The following OLFM3 variants were observed in gnomAD, a reference collection of about 807,000 sequenced individuals.
OLFM3 encodes the protein olfactomedin 3, also known as noelin-3.
In OLFM3, 20 loss-of-function variants were observed where a neutral mutation model predicts 48.6. That is an observed-to-expected ratio of 0.41 (90% CI 0.29 to 0.60). The LOEUF (loss-of-function observed/expected upper bound fraction) is 0.60, where lower values mean the gene tolerates loss of function less well. OLFM3 is among the 20% of genes least tolerant of loss of function. The probability of loss-of-function intolerance (pLI) is 0.28; values close to 1 mark genes in which losing one functional copy is unlikely to be tolerated. For missense variants in OLFM3, 437 were observed against 544.3 expected (o/e 0.80, Z 1.96); for synonymous variants, 222 against 198.1 (o/e 1.12, Z -1.01).
At chr1:101,924,569 T>C (rs986492609) in intron 1 of OLFM3, among the ~76,000 whole-genome samples, 6 of 152,174 alleles carry the variant, frequency 3.9e-5, no homozygotes, top group African/African-American at 1.4e-4. Flanking sequence ...GGATGTTTGC[T>C]TTCTTCATTA....
intron 1 of OLFM3, among the ~76,000 whole-genome samples, chr1:101,907,729 TA>T (rs1296364671): frequency 2.0e-5 from 3 of 152,242 alleles, no homozygotes; most frequent in Admixed American, 6.5e-5. Flanking sequence ...CAAAAGTCGC[TA>T]ATCAGTCTGG....
At chr1:101,924,285 C>T (rs996086946) in intron 1 of OLFM3, among the ~76,000 whole-genome samples, 4 of 152,084 alleles carry the variant, frequency 2.6e-5, no homozygotes, top group Non-Finnish European at 4.4e-5. Flanking sequence ...GCATGGAAGC[C>T]AATAAGCTTA....
intron 1 of OLFM3, among the ~76,000 whole-genome samples, chr1:101,982,075 TAATC>T (rs1273643417): frequency 6.6e-6 from 1 of 152,216 alleles, no homozygotes; most frequent in Non-Finnish European, 1.5e-5. Flanking sequence ...AAGGCCAGTT[TAATC>T]AAGCCAGAGT....
chr1:101,889,337 T>A (rs1467985380), intron 1 of OLFM3, among the ~76,000 whole-genome samples: 1 of 151,910 alleles, frequency 6.6e-6, no homozygotes, highest in Non-Finnish European at 1.5e-5. Flanking sequence ...AAAGGATGAG[T>A]TCATGTCCTT....
At chr1:101,887,847 A>G (rs1657828120) in intron 1 of OLFM3, among the ~76,000 whole-genome samples, 1 of 152,076 alleles carries the variant, frequency 6.6e-6, no homozygotes, top group African/African-American at 2.4e-5. Flanking sequence ...GCATCAGTAT[A>G]TGTGGATATA....
chr1:101,822,720 A>G (rs1477415383), intron 4 of OLFM3, among the ~76,000 whole-genome samples: 2 of 152,138 alleles, frequency 1.3e-5, no homozygotes, highest in Non-Finnish European at 2.9e-5. Flanking sequence ...TTATGGAGAC[A>G]CCATCTGGCA....
At chr1:101,996,016 C>G (rs1267148322) in intron 1 of OLFM3, among the ~76,000 whole-genome samples, 1 of 152,136 alleles carries the variant, frequency 6.6e-6, no homozygotes, top group African/African-American at 2.4e-5. Context: ...TTAGCGTTCA[C>G]TTTCATTGCC....
chr1:101,958,292 G>C (rs1660358716), intron 1 of OLFM3, among the ~76,000 whole-genome samples: 1 of 152,022 alleles, frequency 6.6e-6, no homozygotes, highest in Non-Finnish European at 1.5e-5. Flanking sequence ...GAATCTTACA[G>C]ATTCTTCATT....
chr1:101,961,935 A>T (rs922398188), intron 1 of OLFM3, among the ~76,000 whole-genome samples: 1 of 152,142 alleles, frequency 6.6e-6, no homozygotes, highest in Admixed American at 6.6e-5. Flanking sequence ...CCTCTCTTCT[A>T]GCTATCTTTT....
chr1:101,903,817 A>C (rs12061071), intron 1 of OLFM3, among the ~76,000 whole-genome samples: 11 of 151,758 alleles, frequency 7.2e-5, no homozygotes, highest in Non-Finnish European at 1.3e-4. Flanking sequence ...TTTAAGCAGA[A>C]ACAAAGATTT....
intron 1 of OLFM3, among the ~76,000 whole-genome samples, chr1:101,903,485 A>T (rs1658454179): frequency 6.6e-6 from 1 of 152,080 alleles, no homozygotes; most frequent in Admixed American, 6.6e-5. Context: ...GGAGCTAAGG[A>T]ACTGAAGCCA....
chr1:101,841,519 A>G (rs2100932684), intron 1 of OLFM3, among the ~76,000 whole-genome samples: 1 of 152,328 alleles, frequency 6.6e-6, no homozygotes, highest in East Asian at 1.9e-4. Context: ...GCCCCACTGT[A>G]GTTGATGAGA....
At chr1:101,878,298 A>G (rs535231188) in intron 1 of OLFM3, among the ~76,000 whole-genome samples, 1 of 152,008 alleles carries the variant, frequency 6.6e-6, no homozygotes, top group East Asian at 1.9e-4. Flanking sequence ...GTGGTAGACA[A>G]TGATGGTGCA....
intron 1 of OLFM3, among the ~76,000 whole-genome samples, chr1:101,896,343 C>T (rs974818369): frequency 1.2e-4 from 19 of 152,098 alleles, no homozygotes; most frequent in Admixed American, 2.0e-4. Flanking sequence ...TTATTATGCA[C>T]ATTTGCCATG....
chr1:101,962,341 T>C (rs1020613753), intron 1 of OLFM3, among the ~76,000 whole-genome samples: 3 of 152,104 alleles, frequency 2.0e-5, no homozygotes, highest in Non-Finnish European at 4.4e-5. Context: ...GATTAATTAA[T>C]GTAAGTTATA....
chr1:101,816,828 C>T lies in OLFM3; in HGVS notation c.592+8198G>A, dbSNP rs575568961. 3.3e-5 allele frequency among the ~76,000 whole-genome samples: 5 copies of T among 152,222 alleles called. No homozygotes were observed. In the South Asian group the frequency reaches 1.0e-3, roughly 32 times the overall value. Reference sequence around the variant, plus strand: ...TCAGCGTTATGTTTATGATCACCATCATCTACCCTTATTCTCAGGAAGCAA... The same window carrying T: ...TCAGCGTTATGTTTATGATCACCATTATCTACCCTTATTCTCAGGAAGCAA... On this transcript the variant is annotated intron_variant, in intron 4 of 5. Transcript: ENST00000370103.
At chr1:101,971,909 T>C (rs1444783902) in intron 1 of OLFM3, among the ~76,000 whole-genome samples, 1 of 151,772 alleles carries the variant, frequency 6.6e-6, no homozygotes, top group African/African-American at 2.4e-5. Context: ...TGCATATGTG[T>C]TTGTTTTTAT....
At chr1:101,808,487 G>GGA (rs1291045202) in intron 4 of OLFM3, among the ~76,000 whole-genome samples, 1 of 151,848 alleles carries the variant, frequency 6.6e-6, no homozygotes, top group African/African-American at 2.4e-5. Context: ...AAGAATGCTA[G>GGA]GAGTGAGATG....
chr1:101,896,072 CAAT>C (rs1413351674), intron 1 of OLFM3, among the ~76,000 whole-genome samples: 8 of 151,418 alleles, frequency 5.3e-5, no homozygotes, highest in African/African-American at 1.7e-4. Context: ...AGATATGCAA[CAAT>C]AATTTATAAA....
Sources: gnomAD v4.1 joint callset for allele counts (sites outside exome capture counted in the v4.1 genomes callset) on GRCh38, gnomAD v4.1.1 for gene constraint, MANE v1.5 for transcripts, NCBI Gene and HGNC (gene_info 2026-07-23, HGNC 2026-07-21) for gene names.